Variants in KPNA1 observed in about 807,000 individuals in gnomAD.
KPNA1 encodes the protein karyopherin subunit alpha 1.
KPNA1 carries 10 observed loss-of-function variants against 70.5 expected under a neutral mutation model. The observed-to-expected ratio is 0.14, with a 90% confidence interval of 0.09 to 0.24. The LOEUF (loss-of-function observed/expected upper bound fraction) is 0.24. Among genes scored for constraint, KPNA1 ranks in the 10% least tolerant of loss-of-function variants. KPNA1 has a pLI of 1.00. For synonymous variants in KPNA1, 192 were observed against 221.9 expected (o/e 0.87, Z 1.20); for missense variants, 397 against 637.9 (o/e 0.62, Z 4.07).
At chr3:122,461,366 G>T (rs1403341601) in intron 4 of KPNA1, 48 bp from the exon 5 acceptor site, 2 of 1,308,696 alleles carry the variant, frequency 1.5e-6, no homozygotes, top group Non-Finnish European at 2.2e-6. Flanking sequence ...TGATTTCAAT[G>T]CAAGAACTTA....
chr3:122,444,012 G>A (rs998237955), intron 9 of KPNA1, among the ~76,000 whole-genome samples: 5 of 152,210 alleles, frequency 3.3e-5, no homozygotes, highest in East Asian at 1.9e-4. Context: ...AGACCAGGGC[G>A]TATTTTATGC....
chr3:122,480,833 T>C (rs2076563234), intron 2 of KPNA1, among the ~76,000 whole-genome samples: 1 of 151,794 alleles, frequency 6.6e-6, no homozygotes, highest in Non-Finnish European at 1.5e-5. Context: ...CAAAAAATAA[T>C]AAAAAATTAG....
chr3:122,455,857 C>T (rs1442279707), intron 5 of KPNA1, among the ~76,000 whole-genome samples: 1 of 152,084 alleles, frequency 6.6e-6, no homozygotes, highest in African/African-American at 2.4e-5. Context: ...CACCCGGCCA[C>T]TTTATATTTT....
chr3:122,487,744 G>C (rs2076645770), intron 2 of KPNA1, among the ~76,000 whole-genome samples: 1 of 152,176 alleles, frequency 6.6e-6, no homozygotes. Flanking sequence ...CCAGTTATCA[G>C]AAGCTGGGAA....
intron 9 of KPNA1, among the ~76,000 whole-genome samples, chr3:122,444,609 T>A (rs2076111304): frequency 6.6e-6 from 1 of 152,154 alleles, no homozygotes; most frequent in African/African-American, 2.4e-5. Context: ...CCTGCCTAAC[T>A]GGGAGACACC....
At chr3:122,511,043 T>A (rs1178989913) in intron 1 of KPNA1, among the ~76,000 whole-genome samples, 1 of 152,126 alleles carries the variant, frequency 6.6e-6, no homozygotes, top group Non-Finnish European at 1.5e-5. Context: ...CTCCACTACT[T>A]TGTGAAGTAA....
intron 1 of KPNA1, among the ~76,000 whole-genome samples, chr3:122,498,001 A>G (rs2076783433): frequency 6.6e-6 from 1 of 152,124 alleles, no homozygotes; most frequent in Non-Finnish European, 1.5e-5. Context: ...TCTTTCCAAG[A>G]GTTTTAACTG....
intron 2 of KPNA1, among the ~76,000 whole-genome samples, chr3:122,475,648 G>A (rs543441246): frequency 2.6e-4 from 40 of 152,032 alleles, no homozygotes; most frequent in Non-Finnish European, 8.8e-5. Flanking sequence ...AATCCCCTAC[G>A]CAGTCAAAAA....
At chr3:122,438,219 C>T (rs886744107) in intron 10 of KPNA1, among the ~76,000 whole-genome samples, 2 of 152,134 alleles carry the variant, frequency 1.3e-5, no homozygotes, top group South Asian at 2.1e-4. Flanking sequence ...CTCCTGCTCA[C>T]GTCACATAAG....
chr3:122,493,644 G>T (rs1209856229), intron 2 of KPNA1, among the ~76,000 whole-genome samples: 1 of 152,196 alleles, frequency 6.6e-6, no homozygotes, highest in African/African-American at 2.4e-5. Context: ...TTGACTTACA[G>T]GATATGAGGA....
At position 122,427,697 on chromosome 3, in the gene KPNA1, A is replaced by T. The variant is rs754178190; in HGVS notation, c.1270T>A (p.Cys424Ser). ...AGGAGATCACAGAGCGGCTTGATAC[A>T]ACCCAGTTCTACTAGGTACCTAAAT... ...EQIKYLVELGCIKPLCDLLTV... is the reference protein window; with the variant it reads ...EQIKYLVELGSIKPLCDLLTV... Residue 424 changes from cysteine to serine, a missense_variant, in exon 13 of 14, where the codon TGT (cysteine) becomes AGT (serine). Cys to Ser is a moderately radical substitution (Grantham distance 112, BLOSUM62 -1). Coordinates refer to ENST00000344337, the MANE Select transcript of KPNA1 (RefSeq NM_002264.4). 1.1e-5 allele frequency: 17 copies of T among 1,601,142 alleles called. No homozygotes were observed. The highest frequency in any genetic ancestry group is 1.0e-5 in the Non-Finnish European group (12 of 1,173,012).
intron 2 of KPNA1, among the ~76,000 whole-genome samples, chr3:122,468,146 CCA>C (rs757447538): frequency 6.6e-5 from 10 of 152,242 alleles, no homozygotes; most frequent in East Asian, 3.9e-4. Context: ...ACAATAAAAA[CCA>C]CAGAGTAGTG....
intron 1 of KPNA1, among the ~76,000 whole-genome samples, chr3:122,509,258 A>G (rs1168706468): frequency 1.3e-5 from 2 of 152,050 alleles, no homozygotes; most frequent in Non-Finnish European, 2.9e-5. Flanking sequence ...AAAAAAAAAA[A>G]AAAGAAAGAT....
chr3:122,492,883 G>T (rs1305394724), intron 2 of KPNA1, among the ~76,000 whole-genome samples: 5 of 152,194 alleles, frequency 3.3e-5, no homozygotes, highest in Non-Finnish European at 5.9e-5. Flanking sequence ...TCGGATAAAG[G>T]ACCAGTAATG....
intron 1 of KPNA1, among the ~76,000 whole-genome samples, chr3:122,502,674 G>A (rs1400622865): frequency 6.6e-6 from 1 of 152,212 alleles, no homozygotes. Context: ...TAATACGGAT[G>A]AGAACTTGTG....
At chr3:122,454,059 A>AT in intron 5 of KPNA1, 58 bp from the exon 6 acceptor site, 3 of 1,228,662 alleles carry the variant, frequency 2.4e-6, no homozygotes, top group Non-Finnish European at 3.4e-6. Context: ...TTGTTTACTT[A>AT]TAACAGTAAC....
At chr3:122,491,855 T>A (rs2076702938) in intron 2 of KPNA1, among the ~76,000 whole-genome samples, 1 of 126,814 alleles carries the variant, frequency 7.9e-6, no homozygotes, top group South Asian at 2.9e-4. Context: ...ATCACATTTT[T>A]TTTTTTTTTT....
chr3:122,482,293 A>G (rs927397564), intron 2 of KPNA1, among the ~76,000 whole-genome samples: 3 of 152,254 alleles, frequency 2.0e-5, no homozygotes, highest in Admixed American at 2.0e-4. Flanking sequence ...CAGTAAAAAT[A>G]TGGTAATTAT....
chr3:122,437,228 T>C lies in KPNA1; in HGVS notation c.1064A>G (p.Lys355Arg), dbSNP rs1417317248. The change falls in exon 11 of 14, where the codon AAA becomes AGA. Residue 355 changes from lysine (K) to arginine (R), a missense_variant. By Grantham distance (26) the Lys-to-Arg change is conservative. Coordinates refer to ENST00000344337, the MANE Select transcript of KPNA1 (RefSeq NM_002264.4). ...HLLSSPKESI[K>R]KEACWTISNI... is the part of the protein sequence containing the mutation. ...AGATATCGTCCAACATGCTTCCTTT[T>C]TGATAGATTCCTTTGGGCTACTCAG... The C allele has an allele frequency of 1.9e-6, 3 of 1,614,042 alleles. No individual in the cohort carries two copies. Among genetic ancestry groups the C allele is most frequent in the Non-Finnish European group, 1.7e-6 (2 of 1,179,892 alleles).
Sources: allele counts gnomAD v4.1 joint callset (sites outside exome capture counted in the v4.1 genomes callset), GRCh38; gene constraint gnomAD v4.1.1; transcripts MANE v1.5; gene names NCBI Gene and HGNC (gene_info 2026-07-23, HGNC 2026-07-21).